Variants in DMD observed in about 807,000 individuals in gnomAD.
DMD encodes the protein dystrophin.
Under a neutral mutation model 330.1 loss-of-function variants are expected in DMD, and 63 were observed. That is an observed-to-expected ratio of 0.19 (90% confidence interval 0.16 to 0.24). The LOEUF (loss-of-function observed/expected upper bound fraction) is 0.24, where lower values mean the gene tolerates loss of function less well. Ranked by LOEUF, DMD falls within the 10% of genes least tolerant of loss-of-function variation. The pLI is 1.00. For missense variants in DMD, 3,344 were observed against 2,684.1 expected (o/e 1.25, Z -5.43); for synonymous variants, 1,223 against 959.8 (o/e 1.27, Z -5.07).
rs10652780 is a variant in DMD, at chrX:32,292,302, C to CTTTTTTTTT, written c.6118-4610_6118-4602dup. 2.7e-4 allele frequency among the ~76,000 whole-genome samples: 17 copies of CTTTTTTTTT among 62,908 alleles called. 2 individuals are homozygous for CTTTTTTTTT. Among genetic ancestry groups the CTTTTTTTTT allele is most frequent in the East Asian group, 2.0e-3 (3 of 1,466 alleles). 54.6% of individuals were successfully genotyped at this position (62,908 alleles called of 115,157 possible). On this transcript the variant is annotated intron_variant, in intron 42 of 78. Coordinates refer to ENST00000357033, the MANE Select transcript of DMD (RefSeq NM_004006.3). ...AACAAATATCAACAAAGGGAATATT[C>CTTTTTTTTT]TTTTTTTTTTTTTTTTGAGATGGAG... is the stretch of plus-strand genomic sequence containing the variant.
intron 45 of DMD, among the ~76,000 whole-genome samples, chrX:31,947,563 A>T (rs779903503): frequency 4.2e-4 from 47 of 112,460 alleles, no homozygotes; most frequent in Non-Finnish European, 1.1e-4. Context: ...CAAAAGCGAT[A>T]CACATTTAGT....
intron 1 of DMD, among the ~76,000 whole-genome samples, chrX:33,114,112 ATT>A (rs1283009939): frequency 6.1e-5 from 6 of 99,057 alleles, no homozygotes; most frequent in Admixed American, 1.1e-4. Flanking sequence ...TATTATTATT[ATT>A]TTTTTTTTTT....
At chrX:32,769,373 GA>G (rs1221030731) in intron 7 of DMD, among the ~76,000 whole-genome samples, 1 of 110,827 alleles carries the variant, frequency 9.0e-6, no homozygotes, top group African/African-American at 3.3e-5. Flanking sequence ...AACAGCACGG[GA>G]AAGACCTGCC....
intron 1 of DMD, among the ~76,000 whole-genome samples, chrX:33,332,179 T>C (rs930571475): frequency 1.8e-5 from 2 of 111,470 alleles, no homozygotes; most frequent in Non-Finnish European, 3.8e-5. Context: ...ATTAAATTTG[T>C]GAAAACATAT....
At chrX:32,795,808 G>A (rs2076142009) in intron 7 of DMD, among the ~76,000 whole-genome samples, 2 of 111,375 alleles carry the variant, frequency 1.8e-5, no homozygotes. Context: ...ACAATAATAA[G>A]TATTTCTCAA....
rs199811540 is a variant in DMD at position 32,992,060 on chromosome X, A to AT, written c.93+28078dup. Among the ~76,000 whole-genome samples, 902 of 112,307 alleles carry AT rather than the reference A, an allele frequency of 8.0e-3. 20 individuals are homozygous for AT. The highest frequency in any genetic ancestry group is 0.06 in the Admixed American group (637 of 10,538). ...AAAATTCAGAATGGCTTTTTATGCCATTAAGTCTATTTATTTACATTAAAG... is the reference window on the plus strand; with the variant it reads ...AAAATTCAGAATGGCTTTTTATGCCATTTAAGTCTATTTATTTACATTAAAG... On this transcript the variant is annotated intron_variant, in intron 2 of 78. Coordinates refer to ENST00000357033, the MANE Select transcript of DMD (RefSeq NM_004006.3).
chrX:31,905,195 T>C (rs748012325), intron 47 of DMD, among the ~76,000 whole-genome samples: 2 of 111,992 alleles, frequency 1.8e-5, no homozygotes, highest in African/African-American at 6.5e-5. Context: ...ATATTGTCAA[T>C]CTTCTAGTTT....
chrX:31,775,677 TAAG>T (rs1466284918), intron 50 of DMD, among the ~76,000 whole-genome samples: 4 of 111,328 alleles, frequency 3.6e-5, no homozygotes, highest in Admixed American at 9.6e-5. Context: ...TGAACGATTC[TAAG>T]AATATTAAAA....
intron 2 of DMD, among the ~76,000 whole-genome samples, chrX:33,009,111 T>C (rs1253035084): frequency 1.6e-5 from 1 of 64,245 alleles, no homozygotes; most frequent in Non-Finnish European, 2.9e-5. Context: ...TGTATATATA[T>C]GTGTATATAT....
At chrX:32,454,540 A>C (rs1297516003) in intron 26 of DMD, 122 bp downstream of exon 26, 11 of 540,050 alleles carry the variant, frequency 2.0e-5, no homozygotes. Context: ...TTAATTAAAA[A>C]TCAACCTCTT....
At chrX:31,662,840 G>T (rs1392504610) in intron 53 of DMD, among the ~76,000 whole-genome samples, 2 of 111,786 alleles carry the variant, frequency 1.8e-5, no homozygotes, top group Non-Finnish European at 3.8e-5. Flanking sequence ...TGTAAAACAG[G>T]ATCCTAATAT....
At chrX:32,716,589 G>A (rs868639248) in intron 7 of DMD, among the ~76,000 whole-genome samples, 6 of 111,183 alleles carry the variant, frequency 5.4e-5, no homozygotes, top group South Asian at 7.7e-4. Context: ...GCACTGCTAC[G>A]AAGATACATG....
Position 31,177,913 on chromosome X carries a change from C to A in DMD, c.10262+19G>T. ...ATGTGTTGGTGGTAGCAGCACCCTTCAGCAAAAAAAGTACTCACGCAGAAT... is the reference window on the plus strand; with the variant it reads ...ATGTGTTGGTGGTAGCAGCACCCTTAAGCAAAAAAAGTACTCACGCAGAAT... On this transcript the variant is annotated intron_variant, in intron 71 of 78. Transcript: ENST00000357033. 1.7e-6 allele frequency: 2 copies of A among 1,194,783 alleles called. No individual in the cohort carries two copies. Among genetic ancestry groups the A allele is most frequent in the Non-Finnish European group, 2.3e-6 (2 of 881,102 alleles).
chrX:32,926,475 T>C (rs6631678), intron 2 of DMD, among the ~76,000 whole-genome samples: 1 of 111,278 alleles, frequency 9.0e-6, no homozygotes, highest in African/African-American at 3.3e-5. Context: ...CTTGGCTGGG[T>C]GCAGTGGCTC....
rs750639170 is a variant in DMD, at chrX:31,808,585, A to C, written c.7309+11390T>G. On this transcript the variant is annotated intron_variant, in intron 50 of 78. Coordinates refer to ENST00000357033, the MANE Select transcript of DMD (RefSeq NM_004006.3). ...CAAGCTGTATGCAGGCAGCAAATTG[A>C]ATCTGAAAGCTTTATTAGACAAGTT... is the stretch of plus-strand genomic sequence containing the variant. Among the ~76,000 whole-genome samples, 7 of 111,848 alleles carry C rather than the reference A, an allele frequency of 6.3e-5. No individual in the cohort carries two copies. In the South Asian group the frequency reaches 2.6e-3, roughly 41 times the overall value.
intron 43 of DMD, among the ~76,000 whole-genome samples, chrX:32,249,264 C>A (rs1346786990): frequency 9.0e-6 from 1 of 111,581 alleles, no homozygotes; most frequent in Non-Finnish European, 1.9e-5. Flanking sequence ...CAGAACTGCC[C>A]AACTGAATAA....
At chrX:32,762,492 GATA>G (rs1179582675) in intron 7 of DMD, among the ~76,000 whole-genome samples, 9 of 111,441 alleles carry the variant, frequency 8.1e-5, no homozygotes, top group Non-Finnish European at 1.5e-4. Context: ...GGTAATTTCA[GATA>G]ATGATGATGA....
intron 65 of DMD, among the ~76,000 whole-genome samples, chrX:31,207,548 A>G (rs1193641569): frequency 8.9e-6 from 1 of 112,381 alleles, no homozygotes; most frequent in Non-Finnish European, 1.9e-5. Context: ...CCATGCAGCT[A>G]TAAAAAAGAA....
intron 55 of DMD, among the ~76,000 whole-genome samples, chrX:31,575,225 T>A (rs1036258770): frequency 8.9e-6 from 1 of 112,002 alleles, no homozygotes. Flanking sequence ...AAACTAGTTA[T>A]GGAAATTCTC....
Sources: allele counts gnomAD v4.1 joint callset (sites outside exome capture counted in the v4.1 genomes callset), GRCh38; gene constraint gnomAD v4.1.1; transcripts MANE v1.5; gene names NCBI Gene and HGNC (gene_info 2026-07-23, HGNC 2026-07-21).